Variants in CSMD1 observed in about 807,000 individuals in gnomAD.
CSMD1 encodes CUB and Sushi multiple domains 1.
A neutral mutation model predicts 417.5 loss-of-function variants in CSMD1; 213 were observed. That is an observed-to-expected ratio of 0.51 (90% CI 0.46 to 0.57). CSMD1 has a LOEUF of 0.57. Ranked by LOEUF, CSMD1 falls within the 20% of genes least tolerant of loss-of-function variation. The pLI is 0.00. For synonymous variants in CSMD1, 2,862 were observed against 1,736.8 expected (o/e 1.65, Z -16.11); for missense variants, 6,923 against 4,529.7 (o/e 1.53, Z -15.17).
At chr8:3,233,318 G>C (rs1015292180) in intron 26 of CSMD1, among the ~76,000 whole-genome samples, 2 of 152,176 alleles carry the variant, frequency 1.3e-5, no homozygotes, top group African/African-American at 2.4e-5. Flanking sequence ...AGAGTGACCT[G>C]AGCTGGCATG....
intron 1 of CSMD1, among the ~76,000 whole-genome samples, chr8:4,922,122 C>T (rs935225904): frequency 2.0e-5 from 3 of 152,096 alleles, no homozygotes; most frequent in Non-Finnish European, 4.4e-5. Context: ...GGTGAGATTA[C>T]CCATTGCCTT....
At chr8:4,787,282 G>C (rs1337455615) in intron 1 of CSMD1, 1 of 653,098 alleles carries the variant, frequency 1.5e-6, no homozygotes, top group East Asian at 2.9e-5. Context: ...CTTTTCTAGA[G>C]CTCTGCCTCA....
chr8:3,437,355 G>C (rs1033951354), intron 12 of CSMD1, among the ~76,000 whole-genome samples: 7 of 152,124 alleles, frequency 4.6e-5, no homozygotes, highest in African/African-American at 1.4e-4. Context: ...TTATCTATGA[G>C]GTATAGTTTG....
intron 26 of CSMD1, among the ~76,000 whole-genome samples, chr8:3,283,784 C>T (rs963509082): frequency 1.4e-4 from 22 of 152,364 alleles, no homozygotes; most frequent in Middle Eastern, 3.4e-3. Flanking sequence ...TTTATCACCA[C>T]TAAATTCTAT....
intron 21 of CSMD1, among the ~76,000 whole-genome samples, chr8:3,351,420 G>C (rs978190372): frequency 6.6e-6 from 1 of 151,778 alleles, no homozygotes; most frequent in Admixed American, 6.6e-5. Context: ...AGACCAGCCT[G>C]GCCAACATGG....
chr8:3,521,009 T>A (rs925629399), intron 10 of CSMD1, among the ~76,000 whole-genome samples: 2 of 152,128 alleles, frequency 1.3e-5, no homozygotes, highest in South Asian at 2.1e-4. Context: ...CTCTGGAGCA[T>A]CCATTCCTCA....
chr8:3,928,462 C>G (rs757760886), intron 5 of CSMD1, among the ~76,000 whole-genome samples: 8 of 152,272 alleles, frequency 5.3e-5, no homozygotes, highest in Admixed American at 2.6e-4. Context: ...TTAATTCAAT[C>G]TTTTTGTAGA....
At chr8:4,765,243 A>G (rs1003838933) in intron 1 of CSMD1, among the ~76,000 whole-genome samples, 20 of 152,312 alleles carry the variant, frequency 1.3e-4, no homozygotes, top group Non-Finnish European at 2.1e-4. Flanking sequence ...GAATCTTACA[A>G]TAATGACTTT....
At chr8:4,349,557 T>G (rs916277214) in intron 3 of CSMD1, among the ~76,000 whole-genome samples, 1 of 152,162 alleles carries the variant, frequency 6.6e-6, no homozygotes, top group Admixed American at 6.5e-5. Flanking sequence ...TTTTTTATAT[T>G]AGGTGACATA....
intron 3 of CSMD1, among the ~76,000 whole-genome samples, chr8:4,159,937 G>C (rs371503831): frequency 5.8e-4 from 88 of 152,198 alleles, no homozygotes; most frequent in African/African-American, 1.9e-3. Flanking sequence ...CGGGCCTTGA[G>C]GGGAAAGGGT....
At chr8:3,782,648 A>T (rs868123486) in intron 5 of CSMD1, among the ~76,000 whole-genome samples, 8 of 152,204 alleles carry the variant, frequency 5.3e-5, no homozygotes, top group African/African-American at 1.7e-4. Flanking sequence ...AGTGTAATTT[A>T]AAAAATGCTA....
At chr8:4,313,533 G>C (rs1412860495) in intron 3 of CSMD1, among the ~76,000 whole-genome samples, 1 of 149,600 alleles carries the variant, frequency 6.7e-6, no homozygotes, top group Non-Finnish European at 1.5e-5. Flanking sequence ...ATCACGCGTA[G>C]GTCACATCAG....
chr8:4,357,483 C>G (rs1026226659), intron 3 of CSMD1, among the ~76,000 whole-genome samples: 20 of 152,258 alleles, frequency 1.3e-4, no homozygotes, highest in African/African-American at 4.6e-4. Flanking sequence ...CCCTCACCAA[C>G]ATGGCATTAC....
chr8:3,708,643 G>A (rs568321480), intron 6 of CSMD1, 152 bp from the exon 7 acceptor site: 16 of 640,358 alleles, frequency 2.5e-5, no homozygotes, highest in South Asian at 7.6e-5. Context: ...AGTCAATGAA[G>A]TCAAAGAGCT....
At chr8:4,370,839 G>T (rs1322859764) in intron 3 of CSMD1, among the ~76,000 whole-genome samples, 1 of 152,112 alleles carries the variant, frequency 6.6e-6, no homozygotes, top group African/African-American at 2.4e-5. Context: ...TCATTTTATT[G>T]TTTTCCTTGG....
intron 3 of CSMD1, among the ~76,000 whole-genome samples, chr8:4,179,109 C>G (rs569864094): frequency 6.6e-6 from 1 of 152,084 alleles, no homozygotes; most frequent in East Asian, 1.9e-4. Flanking sequence ...AAAAAGAGCC[C>G]GCATCGCCAA....
intron 1 of CSMD1, among the ~76,000 whole-genome samples, chr8:4,658,894 T>C (rs1171893626): frequency 2.0e-5 from 3 of 152,172 alleles, no homozygotes; most frequent in Non-Finnish European, 2.9e-5. Context: ...AGCACAACTT[T>C]TCTATGTTAT....
intron 4 of CSMD1, among the ~76,000 whole-genome samples, chr8:4,025,958 C>T (rs1012452225): frequency 8.6e-5 from 13 of 151,154 alleles, no homozygotes; most frequent in Admixed American, 7.9e-4. Context: ...TTTTATAACC[C>T]TGGCAAAAGA....
intron 1 of CSMD1, among the ~76,000 whole-genome samples, chr8:4,668,115 T>C (rs915607707): frequency 6.6e-6 from 1 of 152,180 alleles, no homozygotes; most frequent in African/African-American, 2.4e-5. Context: ...TTTTAGCAGA[T>C]ATTGCCTCGT....
Sources: gnomAD v4.1 joint callset for allele counts (sites outside exome capture counted in the v4.1 genomes callset) on GRCh38, gnomAD v4.1.1 for gene constraint, MANE v1.5 for transcripts, NCBI Gene and HGNC (gene_info 2026-07-23, HGNC 2026-07-21) for gene names.